The following ARHGAP25 variants were observed in gnomAD, a reference collection of about 807,000 sequenced individuals.
The protein encoded by ARHGAP25 is Rho GTPase activating protein 25.
ARHGAP25 carries 34 observed loss-of-function variants against 71.0 expected under a neutral mutation model. The observed-to-expected ratio is 0.48, with a 90% confidence interval of 0.36 to 0.64. The LOEUF (loss-of-function observed/expected upper bound fraction) is 0.64. Among genes scored for constraint, ARHGAP25 ranks in the 30% least tolerant of loss-of-function variants. The probability of loss-of-function intolerance (pLI) is 0.00; values close to 1 mark genes in which losing one functional copy is unlikely to be tolerated. For synonymous variants in ARHGAP25, 282 were observed against 296.5 expected (o/e 0.95, Z 0.50); for missense variants, 706 against 805.1 (o/e 0.88, Z 1.49).
upstream of ARHGAP25, among the ~76,000 whole-genome samples, chr2:68,734,141 G>C (rs1195323402): frequency 6.6e-6 from 1 of 152,194 alleles, no homozygotes; most frequent in Non-Finnish European, 1.5e-5. Context: ...TCTGTGTCAA[G>C]CTCTGCACTA....
Position 68,822,744 on chromosome 2 carries a change from A to G in ARHGAP25, c.1605A>G (p.Pro535=), listed in dbSNP as rs1464100780. 6.2e-7 allele frequency: 1 copy of G among 1,614,250 alleles called. No homozygotes were observed. Among genetic ancestry groups the G allele is most frequent in the East Asian group, 2.2e-5 (1 of 44,894 alleles). ...CCAAGGGAGATACTCTTGCCAGTCC[A>G]AACTCTGAAACTGGGCCTGGAAAAA... is the stretch of plus-strand genomic sequence containing the variant. ...CDSKGDTLAS[P]NSETGPGKKN... is the part of the protein sequence containing the mutation. The change falls in exon 10 of 11, where the codon CCA becomes CCG. Residue 535 remains proline (P), a synonymous_variant. Coordinates refer to ENST00000409202, the MANE Select transcript of ARHGAP25 (RefSeq NM_001007231.3).
intron 1 of ARHGAP25, among the ~76,000 whole-genome samples, chr2:68,742,130 C>T (rs900490025): frequency 1.2e-4 from 19 of 152,178 alleles, no homozygotes; most frequent in African/African-American, 3.4e-4. Flanking sequence ...TACTATCCAT[C>T]CACCCCCAAA....
chr2:68,748,195 C>T (rs1675950944), intron 1 of ARHGAP25, among the ~76,000 whole-genome samples: 1 of 152,164 alleles, frequency 6.6e-6, no homozygotes, highest in African/African-American at 2.4e-5. Flanking sequence ...TCTGAACATC[C>T]AGTGCTCATA....
intron 7 of ARHGAP25, 121 bp from the exon 8 acceptor site, chr2:68,817,752 T>A: frequency 4.8e-6 from 6 of 1,249,240 alleles, no homozygotes; most frequent in Non-Finnish European, 6.7e-6. Context: ...AGCAGGCTGG[T>A]CTCATTCCTG....
rs1235141362 is a variant in ARHGAP25 at position 68,822,507 on chromosome 2, G to A, written c.1368G>A (p.Gln456=). 3 of 1,614,106 alleles carry A rather than the reference G, an allele frequency of 1.9e-6. No homozygotes were observed. The highest frequency in any genetic ancestry group is 2.5e-6 in the Non-Finnish European group (3 of 1,180,052). The change falls in exon 10 of 11, where the codon CAG becomes CAA. Residue 456 remains glutamine (Q), a synonymous_variant. Transcript: ENST00000409202. ...NRKCFLTSAF[Q]GANSSKMEIF... is the part of the protein sequence containing the mutation. ...AATGTTTCTTGACATCAGCTTTTCA[G>A]GGTGCCAACAGCAGCAAAATGGAGA...
intron 1 of ARHGAP25, among the ~76,000 whole-genome samples, chr2:68,771,295 C>A (rs1426499934): frequency 1.3e-5 from 2 of 152,198 alleles, no homozygotes. Context: ...GGTCTGCCTG[C>A]AGCCCCCTCT....
At chr2:68,736,232 A>T (rs1380175143) in intron 1 of ARHGAP25, among the ~76,000 whole-genome samples, 1 of 152,204 alleles carries the variant, frequency 6.6e-6, no homozygotes, top group Non-Finnish European at 1.5e-5. Context: ...AGCATTAATG[A>T]TGTAGGTCTG....
In ARHGAP25 at chr2:68,826,357, A is replaced by G. The variant is rs2103754678; in HGVS notation, c.*163A>G. ...AAATAAATGAATGGAGTTTGCAGGA[A>G]GGTGAGGGTGAGCAGAGATGTGTGT... On this transcript the variant is annotated 3_prime_UTR_variant, in exon 11 of 11. Transcript: ENST00000409202. 1 of 741,826 alleles carries G rather than the reference A, an allele frequency of 1.3e-6. No homozygotes were observed. The highest frequency in any genetic ancestry group is 2.7e-5 in the East Asian group (1 of 37,346). 46.0% of individuals were successfully genotyped at this position (741,826 alleles called of 1,614,324 possible).
chr2:68,743,831 C>T (rs768775644), intron 1 of ARHGAP25, among the ~76,000 whole-genome samples: 9 of 152,084 alleles, frequency 5.9e-5, no homozygotes, highest in Non-Finnish European at 1.3e-4. Context: ...ACATGGAACT[C>T]AGTGTGAAAA....
intron 9 of ARHGAP25, among the ~76,000 whole-genome samples, chr2:68,819,961 A>G (rs1469597039): frequency 6.6e-6 from 1 of 152,238 alleles, no homozygotes; most frequent in Non-Finnish European, 1.5e-5. Context: ...TGAACTTTAT[A>G]TAGTAGCTTG....
At chr2:68,747,119 C>T (rs1245199713) in intron 1 of ARHGAP25, among the ~76,000 whole-genome samples, 2 of 151,600 alleles carry the variant, frequency 1.3e-5, no homozygotes, top group Non-Finnish European at 1.5e-5. Flanking sequence ...CCCAATTAAG[C>T]ATCTGTCCTC....
intron 4 of ARHGAP25, among the ~76,000 whole-genome samples, chr2:68,800,545 G>A (rs562703991): frequency 1.3e-3 from 205 of 152,126 alleles, no homozygotes; most frequent in Admixed American, 4.6e-3. Context: ...ATGAGGGGAG[G>A]TGGGGCTGGC....
chr2:68,741,983 G>T (rs1008114890), intron 1 of ARHGAP25, among the ~76,000 whole-genome samples: 3 of 152,152 alleles, frequency 2.0e-5, no homozygotes, highest in Admixed American at 6.5e-5. Flanking sequence ...GCCCTGCTGT[G>T]CCTCTCATGC....
chr2:68,747,900 C>A (rs1011338938), intron 1 of ARHGAP25, among the ~76,000 whole-genome samples: 1 of 152,220 alleles, frequency 6.6e-6, no homozygotes, highest in Non-Finnish European at 1.5e-5. Context: ...GTAAACACTG[C>A]CATTTCTTGC....
chr2:68,748,373 C>T (rs539873583), intron 1 of ARHGAP25, among the ~76,000 whole-genome samples: 1 of 152,374 alleles, frequency 6.6e-6, no homozygotes, highest in Admixed American at 6.5e-5. Flanking sequence ...CAAATCCAAT[C>T]TCTCTTTATC....
At chr2:68,771,841 T>C (rs1225521097) in intron 1 of ARHGAP25, among the ~76,000 whole-genome samples, 2 of 152,224 alleles carry the variant, frequency 1.3e-5, no homozygotes, top group Non-Finnish European at 2.9e-5. Context: ...AAACACTGGT[T>C]GGATGTAGAG....
At chr2:68,746,968 A>G (rs975135243) in intron 1 of ARHGAP25, among the ~76,000 whole-genome samples, 7 of 145,196 alleles carry the variant, frequency 4.8e-5, no homozygotes, top group African/African-American at 1.8e-4. Flanking sequence ...AGATTGGGCC[A>G]CTGTACTCCA....
intron 9 of ARHGAP25, 121 bp downstream of exon 9, chr2:68,819,440 G>A (rs780834306): frequency 1.3e-5 from 13 of 974,700 alleles, no homozygotes; most frequent in Middle Eastern, 2.0e-4. Context: ...GGCAGTGGGC[G>A]CTGCTGCTAC....
intron 3 of ARHGAP25, among the ~76,000 whole-genome samples, chr2:68,786,865 G>C (rs1360921909): frequency 6.6e-6 from 1 of 152,202 alleles, no homozygotes; most frequent in Non-Finnish European, 1.5e-5. Context: ...TGCTGCTTAC[G>C]AAGGCACTTT....
Sources: allele counts gnomAD v4.1 joint callset (sites outside exome capture counted in the v4.1 genomes callset), GRCh38; gene constraint gnomAD v4.1.1; transcripts MANE v1.5; gene names NCBI Gene and HGNC (gene_info 2026-07-23, HGNC 2026-07-21).